Variants in NIPBL observed in about 807,000 individuals in gnomAD.
NIPBL encodes NIPBL cohesin loading factor, also known as nipped-B-like protein.
A neutral mutation model predicts 321.8 loss-of-function variants in NIPBL; 19 were observed. That is an observed-to-expected ratio of 0.06 (90% CI 0.04 to 0.09). NIPBL has a LOEUF of 0.09. Among genes scored for constraint, NIPBL ranks in the 10% least tolerant of loss-of-function variants. The pLI is 1.00. For missense variants in NIPBL, 2,210 were observed against 3,327.0 expected, an observed-to-expected ratio of 0.66 and a Z score of 8.26; for synonymous variants, 1,106 against 1,114.1, an observed-to-expected ratio of 0.99 and a Z score of 0.14.
chr5:37,043,517 ACT>A lies in NIPBL; in HGVS notation c.6109-827_6109-826del, dbSNP rs1330337806. Among the ~76,000 whole-genome samples the A allele has an allele frequency of 7.3e-5, 10 of 137,596 alleles. No individual in the cohort carries two copies. In the East Asian group the frequency reaches 2.1e-3, roughly 29 times the overall value. 90.3% of individuals were successfully genotyped at this position (137,596 alleles called of 152,430 possible). A position where few individuals can be genotyped will look rare whatever the true frequency, so the allele number is the denominator to read the frequency against. The stretch of plus-strand genomic sequence containing the variant: ...ACTCCAGCCTGGGCAACAGAGCAAG[ACT>A]CTGTCTCAAAAAAAAAAAAAGACAA... On this transcript the variant is annotated intron_variant, in intron 34 of 46. Coordinates refer to ENST00000282516, the MANE Select transcript of NIPBL (RefSeq NM_133433.4).
chr5:36,901,264 A>G (rs1054393035), intron 1 of NIPBL, among the ~76,000 whole-genome samples: 9 of 152,180 alleles, frequency 5.9e-5, no homozygotes, highest in African/African-American at 1.2e-4. Context: ...TGTTGCTGCA[A>G]AGGACATGAT....
chr5:37,024,323 A>G (rs959942214), intron 29 of NIPBL, among the ~76,000 whole-genome samples: 4 of 152,144 alleles, frequency 2.6e-5, no homozygotes, highest in African/African-American at 7.2e-5. Context: ...TTTAATTTTG[A>G]CAAGCGTATA....
intron 1 of NIPBL, among the ~76,000 whole-genome samples, chr5:36,877,586 C>T (rs1745187314): frequency 6.6e-6 from 1 of 152,216 alleles, no homozygotes; most frequent in South Asian, 2.1e-4. Flanking sequence ...AGCAAATGTG[C>T]CCTGATCGTC....
chr5:36,965,395 ATTATG>A (rs1007380741), intron 6 of NIPBL, among the ~76,000 whole-genome samples: 3 of 152,146 alleles, frequency 2.0e-5, no homozygotes, highest in African/African-American at 7.2e-5. Context: ...ACTAGAGGTC[ATTATG>A]TTAAGTGAAA....
intron 1 of NIPBL, among the ~76,000 whole-genome samples, chr5:36,902,825 G>A (rs1469312461): frequency 6.6e-6 from 1 of 152,078 alleles, no homozygotes; most frequent in East Asian, 1.9e-4. Context: ...TAGTTTGATA[G>A]GAACAGCAAT....
intron 9 of NIPBL, among the ~76,000 whole-genome samples, chr5:36,983,747 A>G (rs779295633): frequency 2.6e-5 from 4 of 152,016 alleles, no homozygotes; most frequent in Admixed American, 1.3e-4. Flanking sequence ...ATGGAATCAT[A>G]CACAGAAATA....
At chr5:36,970,785 C>T in intron 6 of NIPBL, 91 bp from the exon 7 acceptor site, 4 of 1,146,320 alleles carry the variant, frequency 3.5e-6, no homozygotes, top group Non-Finnish European at 3.9e-6. Flanking sequence ...TCTGTAATTT[C>T]TATATGCTTA....
At chr5:36,978,008 G>C (rs1007485708) in intron 9 of NIPBL, among the ~76,000 whole-genome samples, 1 of 151,994 alleles carries the variant, frequency 6.6e-6, no homozygotes, top group African/African-American at 2.4e-5. Flanking sequence ...GTCCACTCCT[G>C]ATGGACGCTT....
intron 8 of NIPBL, among the ~76,000 whole-genome samples, chr5:36,973,350 A>AATTTT (rs761482150): frequency 6.6e-6 from 1 of 151,794 alleles, no homozygotes; most frequent in Non-Finnish European, 1.5e-5. Flanking sequence ...ATTTTTTAAA[A>AATTTT]ATTTTATTTT....
At chr5:37,026,577 C>A (rs533757941) in intron 31 of NIPBL, among the ~76,000 whole-genome samples, 2 of 152,176 alleles carry the variant, frequency 1.3e-5, no homozygotes, top group East Asian at 3.9e-4. Context: ...ATTCCTCCAG[C>A]AATTAAAAAC....
In NIPBL at chr5:37,032,199, G is replaced by C. The variant is rs530851435; in HGVS notation, c.5863-4180G>C. On this transcript the variant is annotated intron_variant, in intron 32 of 46. Coordinates refer to ENST00000282516, the MANE Select transcript of NIPBL (RefSeq NM_133433.4). ...GTTCTGTATATTGGTGTAGGGACTT[G>C]AGTTACAGTGGTGAATGCATTTGAC... Among the ~76,000 whole-genome samples, 64 of 152,182 alleles carry C rather than the reference G, an allele frequency of 4.2e-4. 1 individual carries two copies. The highest frequency in any genetic ancestry group is 6.8e-3 in the Middle Eastern group (2 of 294).
rs949873664 is a variant in NIPBL, at chr5:37,020,508, A to G, written c.5060A>G (p.Glu1687Gly). ...CAGTGGTTTCGAGACACAACTCTGGAAACAGAAAAAGCAATGAAATCACAA... is the reference window on the plus strand; with the variant it reads ...CAGTGGTTTCGAGACACAACTCTGGGAACAGAAAAAGCAATGAAATCACAA... ...IAQWFRDTTL[E>G]TEKAMKSQKD... The change falls in exon 26 of 47, where the codon GAA becomes GGA. Residue 1687 changes from glutamate to glycine, a missense_variant. This residue lies in a region of NIPBL where 138 missense variants were observed against 175.8 expected (regional missense o/e 0.79). Coordinates refer to ENST00000282516, the MANE Select transcript of NIPBL (RefSeq NM_133433.4). 1 of 1,613,934 alleles carries G rather than the reference A, an allele frequency of 6.2e-7. No homozygotes were observed. The highest frequency in any genetic ancestry group is 8.5e-7 in the Non-Finnish European group (1 of 1,179,946).
chr5:36,944,738 T>C (rs907469615), intron 1 of NIPBL, among the ~76,000 whole-genome samples: 5 of 148,198 alleles, frequency 3.4e-5, no homozygotes, highest in Non-Finnish European at 7.5e-5. Context: ...GATGTGCTAG[T>C]AAAAAAAAAA....
rs752147221 is a variant in NIPBL, at chr5:37,024,540, G to A, written c.5575-45G>A. 5 of 1,533,986 alleles carry A rather than the reference G, an allele frequency of 3.3e-6. No homozygotes were observed. The East Asian group carries it at 9.1e-5, about 28-fold the overall frequency. ...CTTATTTTCTAATTTCATACACTAG[G>A]CATCTCAATTTTTCTGACTCTTAAA... On this transcript the variant is annotated intron_variant, in intron 29 of 46. Transcript: ENST00000282516.
intron 1 of NIPBL, among the ~76,000 whole-genome samples, chr5:36,932,423 A>G (rs1200214390): frequency 6.6e-6 from 1 of 152,182 alleles, no homozygotes; most frequent in African/African-American, 2.4e-5. Context: ...TACTGACTCT[A>G]TCATTATGAA....
chr5:36,986,007 A>G lies in NIPBL; in HGVS notation c.2827A>G (p.Ser943Gly). 2.5e-6 allele frequency: 4 copies of G among 1,614,000 alleles called. No individual in the cohort carries two copies. Among genetic ancestry groups the G allele is most frequent in the Non-Finnish European group, 3.4e-6 (4 of 1,179,936 alleles). ...CCCTGACAATAAGGCAGAATTTCCA[A>G]GTTATTTGTTGGGGGGCAGGTCTGG... ...AHPDNKAEFP[S>G]YLLGGRSGAL... is the part of the protein sequence containing the mutation. Residue 943 changes from serine to glycine, a missense_variant, in exon 10 of 47, where the codon AGT becomes GGT. This residue lies in a region of NIPBL where 588 missense variants were observed against 564.1 expected (regional missense o/e 1.04). Coordinates refer to ENST00000282516, the MANE Select transcript of NIPBL (RefSeq NM_133433.4).
At chr5:37,035,936 CAGAAA>C (rs1268534651) in intron 32 of NIPBL, among the ~76,000 whole-genome samples, 3 of 152,114 alleles carry the variant, frequency 2.0e-5, no homozygotes, top group Non-Finnish European at 4.4e-5. Context: ...AAGGATAATG[CAGAAA>C]AGAAATCTAC....
At chr5:36,916,055 T>G (rs1213828220) in intron 1 of NIPBL, among the ~76,000 whole-genome samples, 2 of 152,218 alleles carry the variant, frequency 1.3e-5, no homozygotes, top group African/African-American at 4.8e-5. Context: ...TGAACTGTCT[T>G]TGTCATTTCA....
intron 1 of NIPBL, among the ~76,000 whole-genome samples, chr5:36,881,725 A>G (rs1206207407): frequency 6.6e-6 from 1 of 151,988 alleles, no homozygotes; most frequent in Admixed American, 6.5e-5. Flanking sequence ...TCACTTAGTC[A>G]AGAAAATTGT....
Sources: gnomAD v4.1 joint callset for allele counts (sites outside exome capture counted in the v4.1 genomes callset) on GRCh38, gnomAD v4.1.1 for gene constraint, gnomAD v4.1.1 regional missense constraint, MANE v1.5 for transcripts, NCBI Gene and HGNC (gene_info 2026-07-23, HGNC 2026-07-21) for gene names.